The following PSMB5 variants were observed in gnomAD, a reference collection of about 807,000 sequenced individuals.
PSMB5 encodes proteasome 20S subunit beta 5.
Under a neutral mutation model 22.8 loss-of-function variants are expected in PSMB5, and 2 were observed. That is an observed-to-expected ratio of 0.09 (90% CI 0.04 to 0.28). The LOEUF (loss-of-function observed/expected upper bound fraction) is 0.28, where lower values mean the gene tolerates loss of function less well. Ranked by LOEUF, PSMB5 falls within the 10% of genes least tolerant of loss-of-function variation. The pLI is 1.00. For missense variants in PSMB5, 269 were observed against 343.8 expected (o/e 0.78, Z 1.72); for synonymous variants, 133 against 135.3 (o/e 0.98, Z 0.12).
Position 23,034,588 on chromosome 14 carries a change from T to C in PSMB5, c.198+96A>G, listed in dbSNP as rs1312960697. 5.1e-5 allele frequency: 73 copies of C among 1,428,738 alleles called. No individual in the cohort carries two copies. In the Middle Eastern group the frequency reaches 9.7e-4, roughly 19 times the overall value. The allele number at this position is 1,428,738 out of a possible 1,614,324, so 88.5% of individuals were successfully genotyped here. A position where few individuals can be genotyped will look rare whatever the true frequency, so the allele number is the denominator to read the frequency against. On this transcript the variant is annotated intron_variant, in intron 1 of 2. Coordinates refer to ENST00000361611, the MANE Select transcript of PSMB5 (RefSeq NM_002797.5). Reference sequence around the variant, plus strand: ...GAGAGGACCCAGCCTCCGCCTGGGTTGGTGGCCAAGGCCACCGCAAACTCC... The same window carrying C: ...GAGAGGACCCAGCCTCCGCCTGGGTCGGTGGCCAAGGCCACCGCAAACTCC...
At chr14:23,034,942 G>C, upstream of PSMB5, 6 of 1,554,772 alleles carry the variant, frequency 3.9e-6, no homozygotes, top group South Asian at 7.1e-5. Context: ...GCCGGGCAAC[G>C]CCTCGCCGTC....
chr14:23,030,256 G>A (rs1223978274), intron 2 of PSMB5, among the ~76,000 whole-genome samples: 3 of 151,744 alleles, frequency 2.0e-5, no homozygotes, highest in East Asian at 2.0e-4. Flanking sequence ...TTGGGAGGCC[G>A]AGGCGGGTGG....
intron 2 of PSMB5, among the ~76,000 whole-genome samples, chr14:23,027,392 A>AT (rs1555366627): frequency 3.3e-4 from 47 of 141,418 alleles, no homozygotes; most frequent in African/African-American, 1.2e-3. Flanking sequence ...AAAAAAAAAA[A>AT]AATAATAATA....
At chr14:23,029,485 A>G (rs892310161) in intron 2 of PSMB5, among the ~76,000 whole-genome samples, 2 of 152,154 alleles carry the variant, frequency 1.3e-5, no homozygotes, top group African/African-American at 2.4e-5. Context: ...TCCTCCCATC[A>G]TAAGTAATCT....
In PSMB5 at chr14:23,026,094, G is replaced by C; in HGVS notation, c.787C>G (p.Pro263Ala). 6.2e-7 allele frequency: 1 copy of C among 1,613,934 alleles called. No homozygotes were observed. The highest frequency in any genetic ancestry group is 8.5e-7 in the Non-Finnish European group (1 of 1,179,854). ...DLHEKYSGST[P>A] Reference sequence around the variant, plus strand: ...GCAGCTGCATCCACCCTCTTTCAGGGGGTAGAGCCACTATACTTCTCATGT... The same window carrying C: ...GCAGCTGCATCCACCCTCTTTCAGGCGGTAGAGCCACTATACTTCTCATGT... The change falls in exon 3 of 3, where the codon CCC becomes GCC. Residue 263 changes from proline (P) to alanine (A), a missense_variant. Pro to Ala is a conservative substitution (Grantham distance 27, BLOSUM62 -1). Around this residue, in one of 3 missense-constraint regions of PSMB5, gnomAD observed 113 missense variants for 130.2 expected, o/e 0.87. Transcript: ENST00000361611.
In PSMB5 at chr14:23,026,249, G is replaced by C; in HGVS notation, c.632C>G (p.Ala211Gly). 6.2e-7 allele frequency: 1 copy of C among 1,614,036 alleles called. No homozygotes were observed. The highest frequency in any genetic ancestry group is 1.7e-5 in the Admixed American group (1 of 60,004). ...GATGGCTCGACGGGCCAGATCATAG[G>C]CCTGCTCCACTTCCAGGTCATAGGA... ...GYSYDLEVEQ[A>G]YDLARRAIYQ... is the part of the protein sequence containing the mutation. Residue 211 changes from alanine (A) to glycine (G), a missense_variant, in exon 3 of 3, where the codon GCC becomes GGC. By Grantham distance (60) the Ala-to-Gly change is moderately conservative (BLOSUM62 0). Around this residue, in one of 3 missense-constraint regions of PSMB5, gnomAD observed 113 missense variants for 130.2 expected, o/e 0.87. Transcript: ENST00000361611.
chr14:23,029,340 A>G (rs1158204077), intron 2 of PSMB5, among the ~76,000 whole-genome samples: 1 of 152,042 alleles, frequency 6.6e-6, no homozygotes, highest in African/African-American at 2.4e-5. Context: ...CCCTTCACCC[A>G]CTTAGTTCCA....
chr14:23,027,870 G>A (rs1443217663), intron 2 of PSMB5: 57 of 1,468,202 alleles, frequency 3.9e-5, no homozygotes, highest in Non-Finnish European at 4.4e-5. Context: ...CCGGCCAGGC[G>A]CAGTGGCTCA....
rs983181986 is a variant in PSMB5, at chr14:23,034,396, G to C, written c.198+288C>G. ...TTCATTGTTGTTGCGGCCTTTCCCA[G>C]CTAGAAGATCCTGAACAGCAGCAAC... On this transcript the variant is annotated intron_variant, in intron 1 of 2. Transcript: ENST00000361611. 57 of 368,388 alleles carry C rather than the reference G, an allele frequency of 1.5e-4. No individual in the cohort carries two copies. The South Asian group carries it at 2.0e-3, about 13-fold the overall frequency. The allele number at this position is 368,388 out of a possible 1,614,324, so 22.8% of individuals were successfully genotyped here.
intron 2 of PSMB5, among the ~76,000 whole-genome samples, chr14:23,032,166 CG>C (rs1243323633): frequency 1.3e-5 from 2 of 151,974 alleles, no homozygotes; most frequent in Admixed American, 1.3e-4. Flanking sequence ...GAGAAGAGGC[CG>C]GGTGCAGCGG....
rs58831036 is a variant in PSMB5 at position 23,025,941 on chromosome 14, CAT to C, written c.*146_*147del. 3 of 1,485,752 alleles carry C rather than the reference CAT, an allele frequency of 2.0e-6. No homozygotes were observed. The East Asian group carries it at 6.9e-5, about 34-fold the overall frequency. 92.0% of individuals were successfully genotyped at this position (1,485,752 alleles called of 1,614,324 possible). Reference sequence around the variant, plus strand: ...AGCAGCTCATTAATGACTGGTAACACATAGAGGTCAATGTGCCAGAGCTTAAA... The same window carrying C: ...AGCAGCTCATTAATGACTGGTAACACAGAGGTCAATGTGCCAGAGCTTAAA... On this transcript the variant is annotated 3_prime_UTR_variant, in exon 3 of 3. Transcript: ENST00000361611.
upstream of PSMB5, chr14:23,035,013 C>A: frequency 1.4e-6 from 2 of 1,432,234 alleles, no homozygotes; most frequent in Non-Finnish European, 1.8e-6. Flanking sequence ...CTGGCAAGCA[C>A]GCCTCCAAAA....
chr14:23,026,569 T>C (rs1023242901), intron 2 of PSMB5, among the ~76,000 whole-genome samples, 194 bp from the exon 3 acceptor site: 19 of 151,656 alleles, frequency 1.3e-4, no homozygotes, highest in Non-Finnish European at 8.8e-5. Context: ...CCTGCCTCAG[T>C]TTCCCAGGTA....
rs763505796 is a variant in PSMB5 at position 23,026,356 on chromosome 14, A to G, written c.525T>C (p.Ser175=). 6.2e-7 allele frequency: 1 copy of G among 1,613,758 alleles called. No homozygotes were observed. The highest frequency in any genetic ancestry group is 8.5e-7 in the Non-Finnish European group (1 of 1,179,928). ...TGGCCCCTGAAATCCGGTTCCCTTC[A>G]CTGTCCACGTAGTAGAGGCCTGGAA... is the stretch of plus-strand genomic sequence containing the variant. ...KRGPGLYYVD[S]EGNRISGATF... is the part of the protein sequence containing the mutation. Residue 175 remains serine (S), a synonymous_variant, in exon 3 of 3, where the codon AGT becomes AGC. Coordinates refer to ENST00000361611, the MANE Select transcript of PSMB5 (RefSeq NM_002797.5).
At position 23,033,224 on chromosome 14, in the gene PSMB5, G is replaced by GAAAA; in HGVS notation, c.505+140_505+143dup. 33 of 713,964 alleles carry GAAAA rather than the reference G, an allele frequency of 4.6e-5. No individual in the cohort carries two copies. In the South Asian group the frequency reaches 5.9e-4, roughly 13 times the overall value. 44.2% of individuals were successfully genotyped at this position (713,964 alleles called of 1,614,324 possible). ...AATGAGACACAGTCTAAAAAAACAG[G>GAAAA]AAAAAAAAAAAGAGAGAAGGAAGGG... On this transcript the variant is annotated intron_variant, in intron 2 of 2. Coordinates refer to ENST00000361611, the MANE Select transcript of PSMB5 (RefSeq NM_002797.5).
chr14:23,032,727 T>C (rs1337580259), intron 2 of PSMB5, among the ~76,000 whole-genome samples: 31 of 134,712 alleles, frequency 2.3e-4, no homozygotes, highest in Middle Eastern at 4.7e-3. Flanking sequence ...GCCTCCTGAG[T>C]AGCTGGGACT....
chr14:23,034,619 G>A (rs1367262719), intron 1 of PSMB5, 65 bp downstream of exon 1: 3 of 1,573,168 alleles, frequency 1.9e-6, no homozygotes, highest in African/African-American at 1.4e-5. Flanking sequence ...ACTCCGGTCA[G>A]GCTGGGAGGC....
chr14:23,027,699 A>C, intron 2 of PSMB5: 5 of 1,368,520 alleles, frequency 3.7e-6, no homozygotes, highest in Non-Finnish European at 5.1e-6. Context: ...AGACTCCAGG[A>C]TTCTACAACA....
At chr14:23,033,729 C>T (rs2046970673) in intron 1 of PSMB5, 55 bp from the exon 2 acceptor site, 7 of 1,488,610 alleles carry the variant, frequency 4.7e-6, no homozygotes, top group Non-Finnish European at 6.4e-6. Context: ...CAAAAACACT[C>T]CTACATACTT....
Sources: allele counts gnomAD v4.1 joint callset (sites outside exome capture counted in the v4.1 genomes callset), GRCh38; gene constraint gnomAD v4.1.1; regional missense constraint gnomAD v4.1.1; transcripts MANE v1.5; gene names NCBI Gene and HGNC (gene_info 2026-07-23, HGNC 2026-07-21).